The following ZFAND5 variants were observed in gnomAD, a reference collection of about 807,000 sequenced individuals.
The protein encoded by ZFAND5 is AN1-type zinc finger protein 5.
Under a neutral mutation model 23.6 loss-of-function variants are expected in ZFAND5, and 4 were observed. The observed-to-expected ratio is 0.17, with a 90% CI of 0.08 to 0.39. ZFAND5 has a LOEUF of 0.39. ZFAND5 is among the 10% of genes least tolerant of loss of function. The pLI is 1.00. For missense variants in ZFAND5, 161 were observed against 253.7 expected, an observed-to-expected ratio of 0.63 and a Z score of 2.48; for synonymous variants, 68 against 80.6, an observed-to-expected ratio of 0.84 and a Z score of 0.84.
chr9:72,359,899 A>G (rs1428109998), intron 4 of ZFAND5, among the ~76,000 whole-genome samples: 1 of 152,228 alleles, frequency 6.6e-6, no homozygotes, highest in Non-Finnish European at 1.5e-5. Flanking sequence ...AAAAAAGCAC[A>G]GCATTTCCAA....
At chr9:72,359,739 G>T (rs369077114) in intron 4 of ZFAND5, among the ~76,000 whole-genome samples, 2 of 152,132 alleles carry the variant, frequency 1.3e-5, no homozygotes. Flanking sequence ...TTTTGTATAG[G>T]TTACCATATT....
rs558802822 is a variant in ZFAND5 at position 72,360,227 on chromosome 9, TA to T, written c.152-7del. 1.1e-5 allele frequency: 18 copies of T among 1,601,790 alleles called. No individual in the cohort carries two copies. Among genetic ancestry groups the T allele is most frequent in the Admixed American group, 1.8e-5 (1 of 56,984 alleles). On this transcript the variant is annotated splice_polypyrimidine_tract_variant and splice_region_variant and intron_variant, in intron 3 of 6. Transcript: ENST00000376962. The stretch of plus-strand genomic sequence containing the variant: ...GTTGGAACCACTAGCTGTTCCTATT[TA>T]AAAAAAGGATTTGTAAGGAACCAAT...
chr9:72,357,021 T>C lies in ZFAND5; in HGVS notation c.403A>G (p.Ser135Gly). The change falls in exon 6 of 7, where the codon AGT (serine) becomes GGT (glycine). Residue 135 changes from serine to glycine, a missense_variant. Physicochemically the swap from Ser to Gly is moderately conservative, Grantham distance 56 (BLOSUM62 0). This residue lies in a region of ZFAND5 where 116 missense variants were observed against 115.2 expected (regional missense o/e 1.01). Transcript: ENST00000376962. Reference protein sequence around the residue: ...TQPSPSVSQPSTSQSEEKAPE... With the variant: ...TQPSPSVSQPGTSQSEEKAPE... ...GCTTTTTCTTCACTCTGAGAAGTACTGGGCTGAGAAACTGATGGACTGGGC... is the reference window on the plus strand; with the variant it reads ...GCTTTTTCTTCACTCTGAGAAGTACCGGGCTGAGAAACTGATGGACTGGGC... 6.2e-7 allele frequency: 1 copy of C among 1,613,750 alleles called. No individual in the cohort carries two copies. The highest frequency in any genetic ancestry group is 8.5e-7 in the Non-Finnish European group (1 of 1,179,748).
Position 72,355,887 on chromosome 9 carries a change from T to C in ZFAND5, c.*66A>G, listed in dbSNP as rs928256245. ...CAAAGAAAAATGGCCATGCATCTGCTCTTTAATGTTTTCCTACGATATATT... is the reference window on the plus strand; with the variant it reads ...CAAAGAAAAATGGCCATGCATCTGCCCTTTAATGTTTTCCTACGATATATT... On this transcript the variant is annotated 3_prime_UTR_variant, in exon 7 of 7. Transcript: ENST00000376962. 7.5e-5 allele frequency: 111 copies of C among 1,478,222 alleles called. No homozygotes were observed. Among genetic ancestry groups the C allele is most frequent in the Admixed American group, 2.9e-4 (13 of 45,004 alleles). 91.6% of individuals were successfully genotyped at this position (1,478,222 alleles called of 1,614,324 possible). A position where few individuals can be genotyped will look rare whatever the true frequency, so the allele number is the denominator to read the frequency against.
At chr9:72,359,546 T>C in intron 4 of ZFAND5, 25 bp from the exon 5 acceptor site, 1 of 1,606,468 alleles carries the variant, frequency 6.2e-7, no homozygotes, top group Non-Finnish European at 8.5e-7. Flanking sequence ...GCAAACAATT[T>C]TTAAAGGTGT....
chr9:72,359,664 T>A, intron 4 of ZFAND5, 143 bp from the exon 5 acceptor site: 18 of 763,068 alleles, frequency 2.4e-5, no homozygotes, highest in South Asian at 4.6e-5. Context: ...TAAAAAAAAA[T>A]TGGATGCCCA....
chr9:72,363,069 G>A (rs984371914), intron 2 of ZFAND5, among the ~76,000 whole-genome samples: 4 of 152,128 alleles, frequency 2.6e-5, no homozygotes, highest in African/African-American at 9.7e-5. Context: ...TGAAAGCATA[G>A]TCAAAGCTAA....
At position 72,354,563 on chromosome 9, in the gene ZFAND5, T is replaced by A. The variant is rs1292262985; in HGVS notation, c.*1390A>T. ...TAAATATGAACTATCTGTACACATC[T>A]GCAGGTCTAACTCAGAACTAAGGTA... On this transcript the variant is annotated 3_prime_UTR_variant, in exon 7 of 7. Transcript: ENST00000376962. The A allele has an allele frequency of 6.6e-6, 1 of 152,636 alleles. No individual in the cohort carries two copies. The highest frequency in any genetic ancestry group is 1.5e-5 in the Non-Finnish European group (1 of 68,044). The allele number at this position is 152,636 out of a possible 1,614,324, so 9.5% of individuals were successfully genotyped here.
At chr9:72,356,885 G>C (rs756381246) in intron 6 of ZFAND5, 46 bp downstream of exon 6, 1 of 1,597,854 alleles carries the variant, frequency 6.3e-7, no homozygotes, top group Non-Finnish European at 8.5e-7. Flanking sequence ...AAAGCTCCTT[G>C]TTAACTGCAG....
At position 72,354,389 on chromosome 9, in the gene ZFAND5, A is replaced by C. The variant is rs1440724291; in HGVS notation, c.*1564T>G. ...GAAAAAAAATTATATAGCCATGTAA[A>C]GTAACATTTTCTAATTTTCCCCCTT... On this transcript the variant is annotated 3_prime_UTR_variant, in exon 7 of 7. Transcript: ENST00000376962. 1 of 152,658 alleles carries C rather than the reference A, an allele frequency of 6.6e-6. No individual in the cohort carries two copies. The highest frequency in any genetic ancestry group is 2.4e-5 in the African/African-American group (1 of 41,470). The allele number at this position is 152,658 out of a possible 1,614,324, so 9.5% of individuals were successfully genotyped here.
chr9:72,360,119 T>C lies in ZFAND5; in HGVS notation c.254A>G (p.Glu85Gly). 1 of 1,610,030 alleles carries C rather than the reference T, an allele frequency of 6.2e-7. No homozygotes were observed. Among genetic ancestry groups the C allele is most frequent in the Non-Finnish European group, 8.5e-7 (1 of 1,178,532 alleles). ...AAACGTTCAATCTTACCTTGATTTT[T>C]CAGATGTGCTGCCAGCAGCACCTTC... The part of the protein sequence containing the change: ...NCEGAAGSTS[E>G]KSRNVPVAAL... Residue 85 changes from glutamate (E) to glycine (G), a missense_variant, in exon 4 of 7, where the codon GAA becomes GGA. By Grantham distance (98) the Glu-to-Gly change is moderately conservative. This residue lies in a region of ZFAND5 where 116 missense variants were observed against 115.2 expected (regional missense o/e 1.01). Coordinates refer to ENST00000376962, the MANE Select transcript of ZFAND5 (RefSeq NM_001102420.3).
chr9:72,360,488 G>A (rs1842067786), intron 3 of ZFAND5, 140 bp downstream of exon 3: 1 of 1,128,848 alleles, frequency 8.9e-7, no homozygotes, highest in South Asian at 1.4e-5. Context: ...GTCATGTCAA[G>A]CACTTGGGCT....
At chr9:72,364,388 C>T in intron 1 of ZFAND5, 4 of 1,178,494 alleles carry the variant, frequency 3.4e-6, no homozygotes, top group South Asian at 3.1e-5. Flanking sequence ...GTGCCCACGC[C>T]GGGCGCCGCC....
intron 5 of ZFAND5, 65 bp from the exon 6 acceptor site, chr9:72,357,121 G>A (rs1022290391): frequency 1.8e-5 from 29 of 1,578,428 alleles, no homozygotes; most frequent in Non-Finnish European, 2.4e-5. Context: ...GTCAAAAAAG[G>A]AAGTATTTAA....
At chr9:72,361,986 CA>C (rs1003060240) in intron 2 of ZFAND5, among the ~76,000 whole-genome samples, 3 of 152,086 alleles carry the variant, frequency 2.0e-5, no homozygotes, top group African/African-American at 7.2e-5. Context: ...TATTAACTAC[CA>C]AAATTAGAAG....
intron 5 of ZFAND5, 106 bp downstream of exon 5, chr9:72,359,312 C>T: frequency 9.5e-7 from 1 of 1,051,486 alleles, no homozygotes; most frequent in South Asian, 1.6e-5. Context: ...TATTTTATGG[C>T]TCTCCCTCCT....
chr9:72,358,999 T>C (rs972678329), intron 5 of ZFAND5, among the ~76,000 whole-genome samples: 5 of 152,166 alleles, frequency 3.3e-5, no homozygotes, highest in African/African-American at 1.2e-4. Flanking sequence ...GATAGGAATA[T>C]TGTACTTCAA....
At chr9:72,357,401 C>A (rs774854199) in intron 5 of ZFAND5, among the ~76,000 whole-genome samples, 1 of 152,102 alleles carries the variant, frequency 6.6e-6, no homozygotes, top group Admixed American at 6.6e-5. Flanking sequence ...AGTTTTTCCA[C>A]GTTATAATTT....
chr9:72,356,905 A>G, intron 6 of ZFAND5, 26 bp downstream of exon 6: 1 of 1,610,646 alleles, frequency 6.2e-7, no homozygotes, highest in South Asian at 1.1e-5. Flanking sequence ...GAAGTAAAAC[A>G]TACATTGTCT....
Sources: gnomAD v4.1 joint callset for allele counts (sites outside exome capture counted in the v4.1 genomes callset) on GRCh38, gnomAD v4.1.1 for gene constraint, gnomAD v4.1.1 regional missense constraint, MANE v1.5 for transcripts, NCBI Gene and HGNC (gene_info 2026-07-23, HGNC 2026-07-21) for gene names.